DMTF1: variants seen among roughly 807,000 people sequenced by gnomAD.
The protein encoded by DMTF1 is cyclin-D-binding Myb-like transcription factor 1.
Under a neutral mutation model 91.1 loss-of-function variants are expected in DMTF1, and 39 were observed. The ratio of observed to expected loss-of-function variants is 0.43; its 90% CI spans 0.33 to 0.56. DMTF1 has a LOEUF of 0.56. DMTF1 is among the 20% of genes least tolerant of loss of function. DMTF1 has a pLI of 0.05. For synonymous variants in DMTF1, 338 were observed against 309.5 expected (o/e 1.09, Z -0.97); for missense variants, 750 against 914.5 (o/e 0.82, Z 2.32).
intron 14 of DMTF1, 146 bp from the exon 15 acceptor site, chr7:87,193,052 T>G: frequency 9.5e-6 from 7 of 740,642 alleles, no homozygotes; most frequent in Non-Finnish European, 1.5e-5. Flanking sequence ...GGTAATGACT[T>G]GAGACGATTA....
chr7:87,173,707 T>A (rs1795623796), intron 6 of DMTF1, 58 bp downstream of exon 6: 2 of 1,096,398 alleles, frequency 1.8e-6, no homozygotes, highest in Non-Finnish European at 2.7e-6. Flanking sequence ...TAGAAAGGGC[T>A]TATAGTCATC....
intron 1 of DMTF1, among the ~76,000 whole-genome samples, chr7:87,159,681 A>AAATTGAGCTGATGTGCAGTCAT (rs1298058277): frequency 6.6e-6 from 1 of 152,230 alleles, no homozygotes; most frequent in Admixed American, 6.5e-5. Flanking sequence ...CAAAGAAGGA[A>AAATTGAGCTGATGTGCAGTCAT]AATTGAGCTG....
At chr7:87,188,013 C>T (rs1022658286) in intron 12 of DMTF1, 79 bp from the exon 13 acceptor site, 1 of 1,121,126 alleles carries the variant, frequency 8.9e-7, no homozygotes, top group South Asian at 1.3e-5. Flanking sequence ...CCCTCCTTAC[C>T]TCCCCCCACC....
At chr7:87,186,078 T>G in intron 12 of DMTF1, 98 bp downstream of exon 12, 3 of 1,319,158 alleles carry the variant, frequency 2.3e-6, no homozygotes, top group South Asian at 2.6e-5. Flanking sequence ...GCTAGAGATA[T>G]CATAGCAGAT....
At chr7:87,189,457 A>C (rs910926490) in intron 13 of DMTF1, among the ~76,000 whole-genome samples, 6 of 152,148 alleles carry the variant, frequency 3.9e-5, no homozygotes, top group Non-Finnish European at 8.8e-5. Flanking sequence ...TATTGGTTAT[A>C]AATTGATTGG....
chr7:87,182,564 G>T (rs999503682), intron 10 of DMTF1, among the ~76,000 whole-genome samples: 2 of 152,202 alleles, frequency 1.3e-5, no homozygotes, highest in African/African-American at 4.8e-5. Context: ...CATCACCTTA[G>T]TGTCAAGATG....
chr7:87,194,431 A>G (rs1584490615), intron 16 of DMTF1: 2 of 488,662 alleles, frequency 4.1e-6, no homozygotes, highest in Admixed American at 3.8e-5. Context: ...ACATCATCCT[A>G]CACTGTAACA....
Position 87,152,469 on chromosome 7 carries a change from C to T in DMTF1, c.-218C>T, listed in dbSNP as rs546711239. ...CGCTCGCTCACTCCAGCTGCAGCCA[C>T]TCTCGCCCGTGGCTGCTTCCTCCAT... On this transcript the variant is annotated 5_prime_UTR_variant, in exon 1 of 18. Coordinates refer to ENST00000331242, the MANE Select transcript of DMTF1 (RefSeq NM_001142327.2). 2.6e-5 allele frequency: 4 copies of T among 153,740 alleles called. No homozygotes were observed. The highest frequency in any genetic ancestry group is 7.2e-5 in the African/African-American group (3 of 41,592). 9.5% of individuals were successfully genotyped at this position (153,740 alleles called of 1,614,324 possible).
At chr7:87,193,576 G>C in intron 15 of DMTF1, 149 bp from the exon 16 acceptor site, 1 of 859,110 alleles carries the variant, frequency 1.2e-6, no homozygotes. Context: ...AAGAACAAAG[G>C]CCCTAGCAAG....
At chr7:87,160,186 CTG>C (rs1172583823) in intron 1 of DMTF1, among the ~76,000 whole-genome samples, 1 of 151,852 alleles carries the variant, frequency 6.6e-6, no homozygotes. Context: ...CAGATGTATT[CTG>C]TGTAACAACT....
intron 13 of DMTF1, 33 bp from the exon 14 acceptor site, chr7:87,190,911 AT>A: frequency 6.4e-7 from 1 of 1,552,670 alleles, no homozygotes; most frequent in Non-Finnish European, 8.8e-7. Flanking sequence ...ATTGTAAATT[AT>A]TCTTACCACA....
At chr7:87,176,358 A>G (rs536560787) in intron 7 of DMTF1, among the ~76,000 whole-genome samples, 4 of 152,216 alleles carry the variant, frequency 2.6e-5, no homozygotes, top group Non-Finnish European at 5.9e-5. Flanking sequence ...TTAAACCTGG[A>G]AAATGCTATT....
At position 87,192,889 on chromosome 7, in the gene DMTF1, CAAAG is replaced by C. The variant is rs994296422; in HGVS notation, c.1495-301_1495-298del. 4.9e-4 allele frequency: 110 copies of C among 226,790 alleles called. 1 individual carries two copies. Among genetic ancestry groups the C allele is most frequent in the African/African-American group, 2.4e-3 (107 of 44,332 alleles). 14.0% of individuals were successfully genotyped at this position (226,790 alleles called of 1,614,324 possible). The stretch of plus-strand genomic sequence containing the variant: ...GGGGCCTGCCAGTTTTTACGTGCTA[CAAAG>C]AAAGAAAAAGAGGGGTGATTGGGTG... On this transcript the variant is annotated intron_variant, in intron 14 of 17. Coordinates refer to ENST00000331242, the MANE Select transcript of DMTF1 (RefSeq NM_001142327.2).
At chr7:87,171,169 G>C in intron 5 of DMTF1, 80 bp downstream of exon 5, 1 of 981,602 alleles carries the variant, frequency 1.0e-6, no homozygotes, top group Non-Finnish European at 1.5e-6. Flanking sequence ...AGAAACCTCA[G>C]CCTCCCAAGT....
chr7:87,182,046 T>C, intron 9 of DMTF1, 182 bp from the exon 10 acceptor site: 3 of 1,532,134 alleles, frequency 2.0e-6, no homozygotes. Context: ...TGTTTTTTTT[T>C]CACCCACAGA....
Position 87,195,454 on chromosome 7 carries a change from A to G in DMTF1, c.*314A>G, listed in dbSNP as rs140503843. On this transcript the variant is annotated 3_prime_UTR_variant, in exon 18 of 18. Coordinates refer to ENST00000331242, the MANE Select transcript of DMTF1 (RefSeq NM_001142327.2). ...AAAAGTTTAGAATCACGAAAGCTTA[A>G]CTGCTGTGGTTTAAAGTACAGTTTC... is the stretch of plus-strand genomic sequence containing the variant. 2,647 of 232,340 alleles carry G rather than the reference A, an allele frequency of 0.011. 22 individuals are homozygous for G. The highest frequency in any genetic ancestry group is 0.026 in the Middle Eastern group (17 of 652). 14.4% of individuals were successfully genotyped at this position (232,340 alleles called of 1,614,324 possible). A position where few individuals can be genotyped will look rare whatever the true frequency, so the allele number is the denominator to read the frequency against.
intron 2 of DMTF1, among the ~76,000 whole-genome samples, chr7:87,164,483 G>A (rs1403705959): frequency 6.6e-6 from 1 of 152,260 alleles, no homozygotes; most frequent in African/African-American, 2.4e-5. Flanking sequence ...CTGTTTTTCA[G>A]ATAATAGAGC....
chr7:87,195,158 G>GGCAGTTCAA lies in DMTF1; in HGVS notation c.*22_*30dup. On this transcript the variant is annotated 3_prime_UTR_variant, in exon 18 of 18. Transcript: ENST00000331242. ...GTCATTAGAATAATTCTTAGAAATA[G>GGCAGTTCAA]GCAGTTCAAGCAAAGAAGGCACACT... 1.3e-6 allele frequency: 2 copies of GGCAGTTCAA among 1,559,748 alleles called. No homozygotes were observed. The highest frequency in any genetic ancestry group is 1.8e-6 in the Non-Finnish European group (2 of 1,132,804).
At chr7:87,165,129 A>G in intron 3 of DMTF1, 79 bp downstream of exon 3, 1 of 911,970 alleles carries the variant, frequency 1.1e-6, no homozygotes, top group Non-Finnish European at 1.7e-6. Flanking sequence ...TATTGCCCAA[A>G]TAGGGGTCTA....
Sources: gnomAD v4.1 joint callset for allele counts (sites outside exome capture counted in the v4.1 genomes callset) on GRCh38, gnomAD v4.1.1 for gene constraint, MANE v1.5 for transcripts, NCBI Gene and HGNC (gene_info 2026-07-23, HGNC 2026-07-21) for gene names.